Variants in POU6F2 observed in about 807,000 individuals in gnomAD.
The protein encoded by POU6F2 is POU class 6 homeobox 2, also known as POU domain, class 6, transcription factor 2.
In POU6F2, 31 loss-of-function variants were observed where a neutral mutation model predicts 71.3. The observed-to-expected ratio is 0.43, with a 90% CI of 0.33 to 0.59. The LOEUF is 0.59. Ranked by LOEUF, POU6F2 falls within the 20% of genes least tolerant of loss-of-function variation. The pLI, the probability that POU6F2 is intolerant of heterozygous loss-of-function variation, is 0.04. For missense variants in POU6F2, 783 were observed against 856.8 expected (o/e 0.91, Z 1.07); for synonymous variants, 347 against 355.7 (o/e 0.98, Z 0.27).
At chr7:39,214,272 G>A (rs907937769) in intron 4 of POU6F2, among the ~76,000 whole-genome samples, 1 of 152,038 alleles carries the variant, frequency 6.6e-6, no homozygotes, top group South Asian at 2.1e-4. Flanking sequence ...TTTTGCACAG[G>A]CTGTTCCCTC....
intron 4 of POU6F2, among the ~76,000 whole-genome samples, chr7:39,279,869 C>A (rs1028304596): frequency 1.3e-5 from 2 of 152,176 alleles, no homozygotes; most frequent in Non-Finnish European, 2.9e-5. Context: ...GCCTCAGCCT[C>A]CTGAGTTGCT....
intron 4 of POU6F2, among the ~76,000 whole-genome samples, chr7:39,217,350 G>A (rs930744946): frequency 6.6e-6 from 1 of 152,172 alleles, no homozygotes; most frequent in Non-Finnish European, 1.5e-5. Flanking sequence ...GGTGGGGATG[G>A]AAATATGTGC....
intron 1 of POU6F2, among the ~76,000 whole-genome samples, chr7:39,002,557 G>A (rs1348111356): frequency 6.6e-6 from 1 of 152,314 alleles, no homozygotes; most frequent in Non-Finnish European, 1.5e-5. Context: ...TTGTTGGCCA[G>A]GCTGGTCTCG....
rs1791234508 is a variant in POU6F2 at position 39,085,977 on chromosome 7, C to T, written c.223C>T (p.Leu75=). 6.2e-6 allele frequency: 10 copies of T among 1,613,786 alleles called. No individual in the cohort carries two copies. The East Asian group carries it at 2.0e-4, about 32-fold the overall frequency. The change falls in exon 2 of 10, where the codon CTG becomes TTG. Residue 75 remains leucine, a synonymous_variant. Coordinates refer to ENST00000518318, the MANE Select transcript of POU6F2 (RefSeq NM_001370959.1). ...TTCAGACAGCGAGCTGAATGAGCCC[C>T]TGCTTGCGCCTGTGGAATCAAATGA... ...ATSDSELNEP[L]LAPVESNDSE...
chr7:39,336,501 G>A lies in POU6F2; in HGVS notation c.599-3141G>A, dbSNP rs529920197. 4.7e-4 allele frequency among the ~76,000 whole-genome samples: 71 copies of A among 152,276 alleles called. 1 individual carries two copies. The South Asian group carries it at 0.014, about 31-fold the overall frequency. On this transcript the variant is annotated intron_variant, in intron 4 of 9. Coordinates refer to ENST00000518318, the MANE Select transcript of POU6F2 (RefSeq NM_001370959.1). ...CTCTCCTTAGGACCAGGCTTGCACC[G>A]AGGGGCTGGGATGAGGATGGGTTTG... is the stretch of plus-strand genomic sequence containing the variant.
intron 1 of POU6F2, among the ~76,000 whole-genome samples, chr7:39,030,500 CTATATATATATATATATATA>C (rs58426134): frequency 0.011 from 513 of 46,250 alleles, 22 homozygotes; most frequent in Admixed American, 0.014. Context: ...TCAAAAAATA[CTATATATATATATATATATA>C]TATATATATA....
At chr7:39,312,190 A>G (rs201956519) in intron 4 of POU6F2, among the ~76,000 whole-genome samples, 1 of 5,002 alleles carries the variant, frequency 2.0e-4, no homozygotes, top group African/African-American at 4.8e-4. Flanking sequence ...TAGAAAAAAG[A>G]AAAAAAAAAC....
At chr7:39,156,808 T>C (rs1792880244) in intron 2 of POU6F2, among the ~76,000 whole-genome samples, 1 of 152,208 alleles carries the variant, frequency 6.6e-6, no homozygotes, top group Non-Finnish European at 1.5e-5. Flanking sequence ...CTTCCCTGCT[T>C]ACCTCTTCAG....
intron 4 of POU6F2, among the ~76,000 whole-genome samples, chr7:39,318,714 T>A (rs1041289740): frequency 1.3e-5 from 2 of 152,226 alleles, no homozygotes; most frequent in Non-Finnish European, 1.5e-5. Flanking sequence ...TTCAACTTAT[T>A]CATTAGGGCT....
chr7:39,182,404 C>T (rs1793452037), intron 2 of POU6F2, among the ~76,000 whole-genome samples: 1 of 152,202 alleles, frequency 6.6e-6, no homozygotes, highest in African/African-American at 2.4e-5. Flanking sequence ...ACTTCCTATG[C>T]ATCTCAGCCC....
intron 1 of POU6F2, among the ~76,000 whole-genome samples, chr7:39,016,033 ATATATAT>A (rs1226003341): frequency 2.2e-4 from 13 of 59,498 alleles, no homozygotes; most frequent in African/African-American, 7.0e-4. Context: ...TTATATATAG[ATATATAT>A]TATATATTAT....
intron 1 of POU6F2, among the ~76,000 whole-genome samples, chr7:38,989,033 T>C (rs1272170354): frequency 6.6e-6 from 1 of 152,042 alleles, no homozygotes; most frequent in Non-Finnish European, 1.5e-5. Context: ...GATCCTTTTG[T>C]AAAATGTAAA....
intron 1 of POU6F2, among the ~76,000 whole-genome samples, chr7:39,026,413 T>C (rs1789801635): frequency 6.6e-6 from 1 of 152,110 alleles, no homozygotes; most frequent in African/African-American, 2.4e-5. Context: ...TGGAATCCTA[T>C]GCAGCCATAA....
intron 5 of POU6F2, among the ~76,000 whole-genome samples, chr7:39,371,201 CAA>C (rs1017630731): frequency 1.3e-5 from 2 of 149,142 alleles, no homozygotes; most frequent in Admixed American, 6.7e-5. Context: ...TTTTTTGAGA[CAA>C]GAGTCTCGCT....
chr7:39,304,431 C>G (rs886836853), intron 4 of POU6F2, among the ~76,000 whole-genome samples: 3 of 152,178 alleles, frequency 2.0e-5, no homozygotes, highest in Non-Finnish European at 2.9e-5. Flanking sequence ...TAACTCCTAT[C>G]AAACCTCTGC....
At chr7:39,198,005 C>CT (rs1263284466) in intron 2 of POU6F2, among the ~76,000 whole-genome samples, 1 of 152,204 alleles carries the variant, frequency 6.6e-6, no homozygotes, top group Non-Finnish European at 1.5e-5. Flanking sequence ...CCAAAGTTCT[C>CT]TAACTGCCTA....
intron 5 of POU6F2, among the ~76,000 whole-genome samples, chr7:39,370,494 A>C (rs1786585663): frequency 6.6e-6 from 1 of 152,132 alleles, no homozygotes; most frequent in Admixed American, 6.5e-5. Flanking sequence ...GAGCCAGAGG[A>C]AGACATTGGT....
At chr7:39,018,549 A>T (rs1469194855) in intron 1 of POU6F2, among the ~76,000 whole-genome samples, 1 of 152,102 alleles carries the variant, frequency 6.6e-6, no homozygotes, top group Admixed American at 6.5e-5. Context: ...TAAGTACTGC[A>T]TTATCATTGT....
intron 4 of POU6F2, among the ~76,000 whole-genome samples, chr7:39,280,769 C>T (rs550134089): frequency 4.7e-4 from 72 of 152,260 alleles, no homozygotes; most frequent in African/African-American, 1.6e-3. Flanking sequence ...GTTAACATAG[C>T]GATTGCTTTG....
Sources: allele counts gnomAD v4.1 joint callset (sites outside exome capture counted in the v4.1 genomes callset), GRCh38; gene constraint gnomAD v4.1.1; transcripts MANE v1.5; gene names NCBI Gene and HGNC (gene_info 2026-07-23, HGNC 2026-07-21).